The following DACH2 variants were observed in gnomAD, a reference collection of about 807,000 sequenced individuals.
The protein encoded by DACH2 is dachshund homolog 2.
Under a neutral mutation model 35.8 loss-of-function variants are expected in DACH2, and 17 were observed. The ratio of observed to expected loss-of-function variants is 0.48; its 90% CI spans 0.33 to 0.71. The LOEUF (loss-of-function observed/expected upper bound fraction) is 0.71. DACH2 is among the 30% of genes least tolerant of loss of function. The probability of loss-of-function intolerance (pLI) is 0.02; values close to 1 mark genes in which losing one functional copy is unlikely to be tolerated. For missense variants in DACH2, 469 were observed against 472.7 expected (o/e 0.99, Z 0.07); for synonymous variants, 195 against 177.3 (o/e 1.10, Z -0.79).
intron 1 of DACH2, among the ~76,000 whole-genome samples, chrX:86,344,257 C>A (rs977768561): frequency 4.7e-5 from 5 of 106,875 alleles, no homozygotes; most frequent in African/African-American, 1.7e-4. Flanking sequence ...TGGAAGAACA[C>A]TGGAAAGAAG....
At chrX:86,199,526 G>T (rs763157513) in intron 1 of DACH2, among the ~76,000 whole-genome samples, 2 of 111,751 alleles carry the variant, frequency 1.8e-5, no homozygotes, top group African/African-American at 6.5e-5. Flanking sequence ...CATAGTCTCA[G>T]CCCAAAAGCT....
At chrX:86,635,361 G>T (rs1391028532) in intron 3 of DACH2, among the ~76,000 whole-genome samples, 1 of 106,051 alleles carries the variant, frequency 9.4e-6, no homozygotes, top group Non-Finnish European at 1.9e-5. Context: ...CTCAAACTAG[G>T]TATTGAAGGA....
At chrX:86,423,088 G>T (rs943329734) in intron 2 of DACH2, among the ~76,000 whole-genome samples, 1 of 111,537 alleles carries the variant, frequency 9.0e-6, no homozygotes, top group Non-Finnish European at 1.9e-5. Context: ...TGCTTAGATT[G>T]TATCCAAATC....
intron 2 of DACH2, among the ~76,000 whole-genome samples, chrX:86,408,027 G>T (rs1460402859): frequency 2.7e-5 from 3 of 110,651 alleles, no homozygotes; most frequent in Non-Finnish European, 3.8e-5. Flanking sequence ...CCATTTGACT[G>T]AATGTACAGT....
intron 1 of DACH2, among the ~76,000 whole-genome samples, chrX:86,355,618 C>G (rs1446095022): frequency 9.0e-6 from 1 of 111,645 alleles, no homozygotes; most frequent in African/African-American, 3.3e-5. Flanking sequence ...CTGCCTCCAC[C>G]TCCTGGGCTC....
intron 4 of DACH2, among the ~76,000 whole-genome samples, chrX:86,664,748 G>T (rs1435135543): frequency 8.9e-6 from 1 of 112,127 alleles, no homozygotes; most frequent in Non-Finnish European, 1.9e-5. Context: ...GATGCAGGAG[G>T]ATTCTGCTTG....
chrX:86,827,392 G>A (rs752959070), intron 11 of DACH2, among the ~76,000 whole-genome samples: 6 of 111,351 alleles, frequency 5.4e-5, no homozygotes, highest in Admixed American at 9.6e-5. Context: ...TTGTAAAGAA[G>A]AAGAACATGC....
chrX:86,317,541 A>G (rs1292112997), intron 1 of DACH2, among the ~76,000 whole-genome samples: 1 of 112,601 alleles, frequency 8.9e-6, no homozygotes, highest in Non-Finnish European at 1.9e-5. Context: ...ATGAAGTTTT[A>G]AAAGATAATT....
intron 2 of DACH2, among the ~76,000 whole-genome samples, chrX:86,412,088 C>T (rs1569386906): frequency 9.0e-6 from 1 of 111,437 alleles, no homozygotes; most frequent in Non-Finnish European, 1.9e-5. Flanking sequence ...ATCACCCTAG[C>T]CAACACTGTA....
At chrX:86,373,877 T>G (rs12012840) in intron 1 of DACH2, among the ~76,000 whole-genome samples, 1,740 of 111,787 alleles carry the variant, frequency 0.016, 29 homozygotes, top group African/African-American at 0.054. Context: ...TAAAATGCTC[T>G]GTTTGAAGTA....
chrX:86,722,555 G>T (rs1318184057), intron 6 of DACH2, among the ~76,000 whole-genome samples: 2 of 108,568 alleles, frequency 1.8e-5, no homozygotes, highest in East Asian at 2.9e-4. Context: ...AGAGGTAGTT[G>T]TCTTACTATG....
intron 4 of DACH2, among the ~76,000 whole-genome samples, chrX:86,679,616 CTGTGTGTGTGTGTGTG>C (rs67988965): frequency 7.6e-4 from 73 of 96,280 alleles, no homozygotes; most frequent in Admixed American, 3.3e-3. Context: ...CTCTCTGTCT[CTGTGTGTGTGTGTGTG>C]TGTGTGTGTG....
chrX:86,437,426 C>A (rs749639981), intron 2 of DACH2, among the ~76,000 whole-genome samples: 7 of 111,524 alleles, frequency 6.3e-5, no homozygotes, highest in African/African-American at 2.3e-4. Context: ...AACTTCTATC[C>A]ATTCCTCCTA....
At chrX:86,563,822 T>C (rs2039259093) in intron 3 of DACH2, among the ~76,000 whole-genome samples, 1 of 111,305 alleles carries the variant, frequency 9.0e-6, no homozygotes, top group Non-Finnish European at 1.9e-5. Context: ...ACAAACATAA[T>C]GTGCGATTAT....
intron 3 of DACH2, among the ~76,000 whole-genome samples, chrX:86,515,899 A>G (rs73631958): frequency 1.8e-3 from 197 of 112,463 alleles, no homozygotes; most frequent in African/African-American, 5.9e-3. Flanking sequence ...AGAAATATTG[A>G]GGGCCTGAAG....
chrX:86,349,668 C>A (rs1336840755), intron 1 of DACH2, among the ~76,000 whole-genome samples: 2 of 112,165 alleles, frequency 1.8e-5, no homozygotes, highest in African/African-American at 6.5e-5. Context: ...ACAAGTTGAG[C>A]TTTCCAAGAT....
At chrX:86,337,112 GA>G (rs2035325893) in intron 1 of DACH2, among the ~76,000 whole-genome samples, 1 of 111,235 alleles carries the variant, frequency 9.0e-6, no homozygotes, top group Non-Finnish European at 1.9e-5. Flanking sequence ...TGGTGTACCT[GA>G]AAGTGACAGG....
At chrX:86,460,609 A>G (rs950641325) in intron 2 of DACH2, among the ~76,000 whole-genome samples, 5 of 110,986 alleles carry the variant, frequency 4.5e-5, no homozygotes, top group African/African-American at 1.6e-4. Context: ...TAAAGGTCTA[A>G]AATTTTTAGA....
chrX:86,382,741 T>C (rs1031234728), intron 2 of DACH2, among the ~76,000 whole-genome samples: 13 of 110,974 alleles, frequency 1.2e-4, no homozygotes, highest in African/African-American at 4.2e-4. Flanking sequence ...AGAAAGTGAA[T>C]TGACCTCCTA....
Sources: gnomAD v4.1 joint callset for allele counts (sites outside exome capture counted in the v4.1 genomes callset) on GRCh38, gnomAD v4.1.1 for gene constraint, MANE v1.5 for transcripts, NCBI Gene and HGNC (gene_info 2026-07-23, HGNC 2026-07-21) for gene names.